VPS53: variants seen among roughly 807,000 people sequenced by gnomAD.
The protein encoded by VPS53 is vacuolar protein sorting-associated protein 53 homolog.
A neutral mutation model predicts 107.0 loss-of-function variants in VPS53; 70 were observed. The ratio of observed to expected loss-of-function variants is 0.65; its 90% CI spans 0.54 to 0.80. The LOEUF is 0.80. VPS53 is among the 30% of genes least tolerant of loss of function. The probability of loss-of-function intolerance (pLI) is 0.00; values close to 1 mark genes in which losing one functional copy is unlikely to be tolerated. For missense variants in VPS53, 917 were observed against 1,049.4 expected, an observed-to-expected ratio of 0.87 and a Z score of 1.74; for synonymous variants, 409 against 393.3, an observed-to-expected ratio of 1.04 and a Z score of -0.47.
At chr17:690,677 C>T (rs1010132058) in intron 4 of VPS53, among the ~76,000 whole-genome samples, 2 of 152,120 alleles carry the variant, frequency 1.3e-5, no homozygotes, top group Non-Finnish European at 2.9e-5. Context: ...CCATGTAATA[C>T]GGCTGCCAAA....
At chr17:662,001 G>C (rs1950395215) in intron 4 of VPS53, 106 bp from the exon 5 acceptor site, 1 of 1,022,562 alleles carries the variant, frequency 9.8e-7, no homozygotes, top group African/African-American at 1.6e-5. Context: ...AAGCTCTCCT[G>C]ATTCATTGTA....
At chr17:602,589 G>A (rs139605697) in intron 11 of VPS53, among the ~76,000 whole-genome samples, 10 of 152,320 alleles carry the variant, frequency 6.6e-5, no homozygotes, top group African/African-American at 2.2e-4. Flanking sequence ...CAGTGGGAAG[G>A]CTGCAGGCAG....
chr17:676,323 C>T (rs889837813), intron 4 of VPS53: 1 of 152,230 alleles, frequency 6.6e-6, no homozygotes, highest in Non-Finnish European at 1.5e-5. Flanking sequence ...ATTGTACAAA[C>T]ATATCTCAGT....
At position 581,876 on chromosome 17, in the gene VPS53, C is replaced by T. The variant is rs540206307; in HGVS notation, c.1313+4394G>A. On this transcript the variant is annotated intron_variant, in intron 13 of 21. Coordinates refer to ENST00000437048, the MANE Select transcript of VPS53 (RefSeq NM_001128159.3). ...ACCTCCCTCAGAACCTCAGTACATT[C>T]GCAGACAACCTCCCTTGGAACCTCA... Among the ~76,000 whole-genome samples the T allele has an allele frequency of 7.2e-5, 11 of 151,948 alleles. No homozygotes were observed. The South Asian group carries it at 8.3e-4, about 11-fold the overall frequency.
At chr17:587,093 C>T (rs571427047) in intron 12 of VPS53, among the ~76,000 whole-genome samples, 93 of 152,124 alleles carry the variant, frequency 6.1e-4, no homozygotes, top group African/African-American at 2.1e-3. Flanking sequence ...GACAGAGTCT[C>T]CCTCTGTCAC....
At chr17:584,772 T>C (rs968948341) in intron 13 of VPS53, among the ~76,000 whole-genome samples, 2 of 152,156 alleles carry the variant, frequency 1.3e-5, no homozygotes, top group Non-Finnish European at 2.9e-5. Context: ...GAGCTCCTCC[T>C]ACCTTGGCCT....
Position 517,325 on chromosome 17 carries a change from G to A in VPS53, c.*1803C>T, listed in dbSNP as rs1169398356. The A allele has an allele frequency of 5.0e-6, 2 of 396,966 alleles. No homozygotes were observed. Among genetic ancestry groups the A allele is most frequent in the East Asian group, 3.6e-5 (1 of 28,014 alleles). The allele number at this position is 396,966 out of a possible 1,614,324, so 24.6% of individuals were successfully genotyped here. On this transcript the variant is annotated 3_prime_UTR_variant, in exon 22 of 22. Coordinates refer to ENST00000437048, the MANE Select transcript of VPS53 (RefSeq NM_001128159.3). ...AGCTAGCAAGGACAGCCTGGAAGCC[G>A]ATGAAGAAATGACACTCAGGATCAG...
rs56807006 is a variant in VPS53 at position 601,899 on chromosome 17, G to A, written c.1117-3C>T. 158,190 of 1,573,912 alleles carry A rather than the reference G, an allele frequency of 0.1. 8,644 individuals are homozygous for A. Among genetic ancestry groups the A allele is most frequent in the East Asian group, 0.11 (4,771 of 42,920 alleles). On this transcript the variant is annotated splice_region_variant and splice_polypyrimidine_tract_variant and intron_variant, in intron 11 of 21. Transcript: ENST00000437048. ...GGGGGTGGAGACTCAAGCTTTTTCT[G>A]TTAGGTAGATATGAGAAAGAGAAGT...
At chr17:571,249 AGGGGT>A (rs1277205705) in intron 13 of VPS53, among the ~76,000 whole-genome samples, 2 of 20,954 alleles carry the variant, frequency 9.5e-5, no homozygotes, top group Non-Finnish European at 1.8e-4. Context: ...AAGGGAGGGG[AGGGGT>A]GGGGAGGGGA....
At chr17:559,464 G>A (rs1912742707) in intron 15 of VPS53, among the ~76,000 whole-genome samples, 4 of 152,332 alleles carry the variant, frequency 2.6e-5, no homozygotes, top group South Asian at 4.1e-4. Context: ...GGGCTAAACG[G>A]ACTGCTCTGT....
At chr17:636,354 A>G (rs1220776472) in intron 7 of VPS53, among the ~76,000 whole-genome samples, 2 of 152,226 alleles carry the variant, frequency 1.3e-5, no homozygotes, top group East Asian at 1.9e-4. Flanking sequence ...CAATCATGTC[A>G]TCTGCAAACA....
chr17:590,713 TC>T (rs1967599743), intron 12 of VPS53, among the ~76,000 whole-genome samples: 1 of 148,770 alleles, frequency 6.7e-6, no homozygotes, highest in Admixed American at 6.7e-5. Flanking sequence ...CAGCCTTGCA[TC>T]CCAGGGATGA....
intron 11 of VPS53, among the ~76,000 whole-genome samples, chr17:621,951 C>A (rs987308889): frequency 8.5e-5 from 13 of 152,158 alleles, no homozygotes; most frequent in Admixed American, 6.6e-4. Context: ...GTGGCTCACA[C>A]CTGGAATCCC....
chr17:697,573 C>A, intron 3 of VPS53, 89 bp from the exon 4 acceptor site: 1 of 1,088,098 alleles, frequency 9.2e-7, no homozygotes, highest in South Asian at 1.3e-5. Flanking sequence ...ATTTATTCAT[C>A]AACTTCTGCA....
chr17:611,608 C>T (rs1411500487), intron 11 of VPS53, among the ~76,000 whole-genome samples: 3 of 152,252 alleles, frequency 2.0e-5, no homozygotes, highest in East Asian at 1.9e-4. Flanking sequence ...ATAGGAAACA[C>T]GCTGACACGA....
rs1008249466 is a variant in VPS53, at chr17:627,266, C to G, written c.882G>C (p.Gln294His). 6.2e-7 allele frequency: 1 copy of G among 1,613,960 alleles called. No individual in the cohort carries two copies. The highest frequency in any genetic ancestry group is 1.3e-5 in the African/African-American group (1 of 74,922). The stretch of plus-strand genomic sequence containing the variant: ...CGTATTTCTCCTCATAGTCCACAAG[C>G]TGGCGTTTTATCCAGGCATAGCGTC... Reference protein sequence around the residue: ...IDRRYAWIKRQLVDYEEKYGR... With the variant: ...IDRRYAWIKRHLVDYEEKYGR... Residue 294 changes from glutamine to histidine, a missense_variant, in exon 10 of 22, where the codon CAG becomes CAC. Coordinates refer to ENST00000437048, the MANE Select transcript of VPS53 (RefSeq NM_001128159.3).
rs1250396446 is a variant in VPS53, at chr17:512,055, A to G, written c.*7073T>C. 1 of 152,240 alleles carries G rather than the reference A, an allele frequency of 6.6e-6. No homozygotes were observed. Among genetic ancestry groups the G allele is most frequent in the African/African-American group, 2.4e-5 (1 of 41,460 alleles). The allele number at this position is 152,240 out of a possible 1,614,324, so 9.4% of individuals were successfully genotyped here. A position where few individuals can be genotyped will look rare whatever the true frequency, so the allele number is the denominator to read the frequency against. ...CTGCCAGGGGAAGGGGATACTGCTC[A>G]GTCTTTTAAAACTCTCGTGTAAGCT... On this transcript the variant is annotated 3_prime_UTR_variant, in exon 22 of 22. Coordinates refer to ENST00000437048, the MANE Select transcript of VPS53 (RefSeq NM_001128159.3).
intron 12 of VPS53, among the ~76,000 whole-genome samples, chr17:589,199 C>T (rs182475176): frequency 2.4e-4 from 36 of 151,408 alleles, no homozygotes; most frequent in Middle Eastern, 3.4e-3. Flanking sequence ...AAAAAATCAA[C>T]GTGTATATTT....
chr17:536,766 C>G (rs2151813726), intron 18 of VPS53: 1 of 417,940 alleles, frequency 2.4e-6, no homozygotes, highest in Admixed American at 3.9e-5. Context: ...GTACATTTGT[C>G]CAAACCGAGG....
Sources: allele counts gnomAD v4.1 joint callset (sites outside exome capture counted in the v4.1 genomes callset), GRCh38; gene constraint gnomAD v4.1.1; transcripts MANE v1.5; gene names NCBI Gene and HGNC (gene_info 2026-07-23, HGNC 2026-07-21).